Variants in PIP4K2A observed in about 807,000 individuals in gnomAD.
PIP4K2A encodes the protein phosphatidylinositol 5-phosphate 4-kinase type-2 alpha.
In PIP4K2A, 14 loss-of-function variants were observed where a neutral mutation model predicts 42.9. The observed-to-expected ratio is 0.33, with a 90% confidence interval of 0.22 to 0.51. PIP4K2A has a LOEUF of 0.51. Among genes scored for constraint, PIP4K2A ranks in the 20% least tolerant of loss-of-function variants. The pLI, the probability that PIP4K2A is intolerant of heterozygous loss-of-function variation, is 0.97. For missense variants in PIP4K2A, 434 were observed against 519.8 expected (o/e 0.83, Z 1.61); for synonymous variants, 192 against 192.2 (o/e 1.00, Z 0.01).
chr10:22,553,343 T>C (rs933681874), intron 6 of PIP4K2A, among the ~76,000 whole-genome samples: 1 of 152,006 alleles, frequency 6.6e-6, no homozygotes, highest in African/African-American at 2.4e-5. Context: ...AATCCTGAGG[T>C]TGCAATCCTG....
In PIP4K2A at chr10:22,585,591, TA is replaced by T. The variant is rs577421142; in HGVS notation, c.492+6037del. On this transcript the variant is annotated intron_variant, in intron 4 of 9. Transcript: ENST00000376573. ...CCTATACAACTTCAGGGAAGTATGT[TA>T]CCAACAGTGCCTCTCAATTTTTTTT... 2.6e-5 allele frequency among the ~76,000 whole-genome samples: 4 copies of T among 151,812 alleles called. No individual in the cohort carries two copies. The East Asian group carries it at 7.7e-4, about 29-fold the overall frequency.
chr10:22,608,027 A>T lies in PIP4K2A; in HGVS notation c.243-4T>A. ...GAAATGGCTCGGCATGTTTTCTCTG[A>T]AACAGTCACAGCGTGGAATAAAGCT... On this transcript the variant is annotated splice_polypyrimidine_tract_variant and splice_region_variant and intron_variant, in intron 2 of 9. Transcript: ENST00000376573. 6.3e-7 allele frequency: 1 copy of T among 1,586,342 alleles called. No individual in the cohort carries two copies. The highest frequency in any genetic ancestry group is 8.7e-7 in the Non-Finnish European group (1 of 1,155,390).
In PIP4K2A at chr10:22,536,117, G is replaced by C. The variant is rs1303539344; in HGVS notation, c.*1084C>G. The stretch of plus-strand genomic sequence containing the variant: ...TAATAATGTAAACAGTAAAACTGAG[G>C]GTTTCAGTTAAAGGGATAATTCGTA... On this transcript the variant is annotated 3_prime_UTR_variant, in exon 10 of 10. Transcript: ENST00000376573. 2.5e-6 allele frequency: 1 copy of C among 398,270 alleles called. No individual in the cohort carries two copies. The highest frequency in any genetic ancestry group is 4.4e-5 in the Admixed American group (1 of 22,704). 24.7% of individuals were successfully genotyped at this position (398,270 alleles called of 1,614,324 possible).
intron 1 of PIP4K2A, among the ~76,000 whole-genome samples, chr10:22,654,476 T>C (rs1316309181): frequency 6.6e-6 from 1 of 152,190 alleles, no homozygotes; most frequent in African/African-American, 2.4e-5. Context: ...CAACGACATC[T>C]GTGAAAGGCG....
chr10:22,665,604 GCTTT>G (rs1839330543), intron 1 of PIP4K2A, among the ~76,000 whole-genome samples: 1 of 121,640 alleles, frequency 8.2e-6, no homozygotes, highest in Non-Finnish European at 1.7e-5. Flanking sequence ...ACCACACCTG[GCTTT>G]TTTTTTTTTT....
chr10:22,654,619 CA>C (rs769187913), intron 1 of PIP4K2A, among the ~76,000 whole-genome samples: 43 of 152,232 alleles, frequency 2.8e-4, no homozygotes, highest in Non-Finnish European at 5.0e-4. Context: ...TAAAGTGATT[CA>C]GGGGTAGTCA....
chr10:22,593,172 T>C (rs920458509), intron 3 of PIP4K2A, among the ~76,000 whole-genome samples: 4 of 152,138 alleles, frequency 2.6e-5, no homozygotes, highest in Admixed American at 2.6e-4. Flanking sequence ...CATGAGCAAA[T>C]CTTCATCTTC....
At chr10:22,664,194 T>TATATATATAC (rs1564460299) in intron 1 of PIP4K2A, among the ~76,000 whole-genome samples, 16 of 66,146 alleles carry the variant, frequency 2.4e-4, no homozygotes, top group African/African-American at 2.3e-4. Flanking sequence ...TATATATACA[T>TATATATATAC]ATATATATAC....
At chr10:22,550,171 G>A (rs1252193436) in intron 7 of PIP4K2A, among the ~76,000 whole-genome samples, 1 of 152,180 alleles carries the variant, frequency 6.6e-6, no homozygotes, top group Non-Finnish European at 1.5e-5. Flanking sequence ...GACATGGTTT[G>A]TGGTGACTGG....
intron 1 of PIP4K2A, among the ~76,000 whole-genome samples, chr10:22,641,499 T>A (rs999702002): frequency 6.6e-6 from 1 of 152,090 alleles, no homozygotes; most frequent in Non-Finnish European, 1.5e-5. Flanking sequence ...TGGAGTGCAG[T>A]GGCACAATCA....
At chr10:22,581,565 T>TAAAAAAA (rs531477426) in intron 4 of PIP4K2A, among the ~76,000 whole-genome samples, 105 of 78,666 alleles carry the variant, frequency 1.3e-3, no homozygotes, top group African/African-American at 5.8e-3. Context: ...ATCCTATCTC[T>TAAAAAAA]AAAAAAAAAA....
chr10:22,620,662 C>T (rs1418770682), intron 1 of PIP4K2A, among the ~76,000 whole-genome samples: 5 of 152,212 alleles, frequency 3.3e-5, no homozygotes, highest in Non-Finnish European at 2.9e-5. Context: ...AGACCTGGCA[C>T]CGGGCCCGGC....
Position 22,541,883 on chromosome 10 carries a change from A to G in PIP4K2A, c.957T>C (p.Asn319=), listed in dbSNP as rs1162181496. 3 of 1,612,910 alleles carry G rather than the reference A, an allele frequency of 1.9e-6. No individual in the cohort carries two copies. The highest frequency in any genetic ancestry group is 2.7e-5 in the African/African-American group (2 of 74,908). Residue 319 remains asparagine, a synonymous_variant, in exon 8 of 10, where the codon AAT becomes AAC. Coordinates refer to ENST00000376573, the MANE Select transcript of PIP4K2A (RefSeq NM_005028.5). The stretch of plus-strand genomic sequence containing the variant: ...CCAGGGGTGGTGAGCTGTTCAGTGT[A>G]TTCCCGGGGCTATCTGGGGGGGTTC... ...PVGTPPDSPG[N]TLNSSPPLAP...
At chr10:22,648,798 C>T (rs1449113429) in intron 1 of PIP4K2A, among the ~76,000 whole-genome samples, 1 of 152,202 alleles carries the variant, frequency 6.6e-6, no homozygotes, top group East Asian at 1.9e-4. Context: ...TGCCAGACCA[C>T]AATGTCTTTA....
chr10:22,640,450 T>C (rs572457164), intron 1 of PIP4K2A, among the ~76,000 whole-genome samples: 2 of 152,288 alleles, frequency 1.3e-5, no homozygotes, highest in Non-Finnish European at 2.9e-5. Flanking sequence ...GTCCTTTTAA[T>C]GCATGTGAAG....
At chr10:22,707,384 C>T (rs901330580) in intron 1 of PIP4K2A, among the ~76,000 whole-genome samples, 4 of 152,170 alleles carry the variant, frequency 2.6e-5, no homozygotes, top group Non-Finnish European at 4.4e-5. Context: ...AATTGTGAGG[C>T]TTAGCTTTAG....
At chr10:22,674,036 G>GT (rs1014011817) in intron 1 of PIP4K2A, among the ~76,000 whole-genome samples, 1 of 152,110 alleles carries the variant, frequency 6.6e-6, no homozygotes, top group Admixed American at 6.5e-5. Context: ...ATGTGTGTGT[G>GT]TTTTTTTAAC....
At chr10:22,542,106 A>G in intron 7 of PIP4K2A, 59 bp from the exon 8 acceptor site, 1 of 1,483,286 alleles carries the variant, frequency 6.7e-7, no homozygotes, top group East Asian at 2.3e-5. Context: ...GCCAACATTT[A>G]AAGGAGACAA....
chr10:22,539,925 G>C (rs1055417223), intron 9 of PIP4K2A, 46 bp downstream of exon 9: 37 of 1,011,626 alleles, frequency 3.7e-5, no homozygotes, highest in Non-Finnish European at 5.5e-5. Context: ...GAGAGAGAGA[G>C]AGAGAGGGAG....
Sources: allele counts gnomAD v4.1 joint callset (sites outside exome capture counted in the v4.1 genomes callset), GRCh38; gene constraint gnomAD v4.1.1; transcripts MANE v1.5; gene names NCBI Gene and HGNC (gene_info 2026-07-23, HGNC 2026-07-21).